The following DSCAM variants were observed in gnomAD, a reference collection of about 807,000 sequenced individuals.
The protein encoded by DSCAM is cell adhesion molecule DSCAM.
A neutral mutation model predicts 217.7 loss-of-function variants in DSCAM; 47 were observed. The observed-to-expected ratio is 0.22, with a 90% CI of 0.17 to 0.28. The LOEUF (loss-of-function observed/expected upper bound fraction) is 0.28. Ranked by LOEUF, DSCAM falls within the 10% of genes least tolerant of loss-of-function variation. The pLI, the probability that DSCAM is intolerant of heterozygous loss-of-function variation, is 1.00. For synonymous variants in DSCAM, 1,056 were observed against 1,015.3 expected (o/e 1.04, Z -0.76); for missense variants, 2,080 against 2,618.3 (o/e 0.79, Z 4.49).
chr21:40,422,203 C>G (rs2075431129), intron 3 of DSCAM, among the ~76,000 whole-genome samples: 1 of 152,208 alleles, frequency 6.6e-6, no homozygotes, highest in South Asian at 2.1e-4. Flanking sequence ...CACTACCAGT[C>G]AGATGGAACT....
intron 3 of DSCAM, among the ~76,000 whole-genome samples, chr21:40,540,688 T>G (rs897590863): frequency 6.6e-6 from 1 of 152,112 alleles, no homozygotes; most frequent in Non-Finnish European, 1.5e-5. Context: ...GTCCCGCATC[T>G]CCTTTGCTTT....
intron 3 of DSCAM, among the ~76,000 whole-genome samples, chr21:40,552,441 G>A (rs1425338525): frequency 6.6e-6 from 1 of 152,188 alleles, no homozygotes; most frequent in Non-Finnish European, 1.5e-5. Context: ...GATTCAACTG[G>A]AAACTCACGT....
chr21:40,476,409 ATGCATATAT>A (rs969998499), intron 3 of DSCAM, among the ~76,000 whole-genome samples: 1 of 152,210 alleles, frequency 6.6e-6, no homozygotes, highest in African/African-American at 2.4e-5. Flanking sequence ...TAACATTAAT[ATGCATATAT>A]TGCATGCAAA....
At chr21:40,040,892 T>C (rs926178412) in intron 32 of DSCAM, among the ~76,000 whole-genome samples, 2 of 151,774 alleles carry the variant, frequency 1.3e-5, no homozygotes, top group Non-Finnish European at 2.9e-5. Flanking sequence ...CCTGCATTTT[T>C]CTCCATTTGC....
chr21:40,671,569 G>A (rs1002801405), intron 3 of DSCAM, among the ~76,000 whole-genome samples: 1 of 151,704 alleles, frequency 6.6e-6, no homozygotes. Flanking sequence ...TGTGCCTGTA[G>A]TCCCAGCTAC....
In DSCAM at chr21:40,703,389, T is replaced by C. The variant is rs1280119206; in HGVS notation, c.361+5065A>G. Among the ~76,000 whole-genome samples the C allele has an allele frequency of 1.1e-4, 16 of 152,210 alleles. No homozygotes were observed. In the East Asian group the frequency reaches 2.9e-3, roughly 28 times the overall value. On this transcript the variant is annotated intron_variant, in intron 2 of 32. Transcript: ENST00000400454. Reference sequence around the variant, plus strand: ...TAAAAATCAGCCTGATGTGGCGGCATGCACCTCTGGTCCCAGCTACTTGGG... The same window carrying C: ...TAAAAATCAGCCTGATGTGGCGGCACGCACCTCTGGTCCCAGCTACTTGGG...
At chr21:40,773,453 A>G (rs966719160) in intron 1 of DSCAM, among the ~76,000 whole-genome samples, 2 of 152,148 alleles carry the variant, frequency 1.3e-5, no homozygotes, top group African/African-American at 4.8e-5. Context: ...CTCTCTTAGA[A>G]GGACACCAGT....
chr21:40,301,962 T>C (rs764994221), intron 9 of DSCAM, among the ~76,000 whole-genome samples: 3 of 152,184 alleles, frequency 2.0e-5, no homozygotes, highest in Non-Finnish European at 4.4e-5. Flanking sequence ...GAGCCTGAGA[T>C]GGAAGGATGT....
chr21:40,472,920 T>C (rs778435784), intron 3 of DSCAM, among the ~76,000 whole-genome samples: 5 of 152,234 alleles, frequency 3.3e-5, no homozygotes, highest in Middle Eastern at 3.4e-3. Context: ...ATGCTGATGG[T>C]GCAAACACAG....
At chr21:40,062,763 C>T (rs985722692) in intron 28 of DSCAM, 106 bp downstream of exon 28, 11 of 1,040,082 alleles carry the variant, frequency 1.1e-5, no homozygotes, top group Admixed American at 6.4e-5. Context: ...AAAGAAAAGA[C>T]ATTATCAATT....
chr21:40,017,103 CAAAAA>C (rs372118440), intron 32 of DSCAM, among the ~76,000 whole-genome samples: 20,807 of 86,188 alleles, frequency 0.24, 1,999 homozygotes, highest in African/African-American at 0.36. Flanking sequence ...AACTCCATCT[CAAAAA>C]AAAAAAAAAA....
At chr21:40,053,338 C>T (rs2088963446) in intron 29 of DSCAM, among the ~76,000 whole-genome samples, 2 of 152,202 alleles carry the variant, frequency 1.3e-5, no homozygotes, top group South Asian at 2.1e-4. Flanking sequence ...GGCCCCGTGG[C>T]GGTCACTCGA....
chr21:40,761,817 C>T lies in DSCAM; in HGVS notation c.44-53046G>A, dbSNP rs116836515. On this transcript the variant is annotated intron_variant, in intron 1 of 32. Transcript: ENST00000400454. ...CTCTAAACATGTAGAGCATCAAAACCGCACAACTACATGCAAACTGAACAA... is the reference window on the plus strand; with the variant it reads ...CTCTAAACATGTAGAGCATCAAAACTGCACAACTACATGCAAACTGAACAA... 6.3e-3 allele frequency among the ~76,000 whole-genome samples: 956 copies of T among 152,232 alleles called. 8 individuals carry two copies. The highest frequency in any genetic ancestry group is 0.022 in the African/African-American group (904 of 41,538).
chr21:40,438,737 TG>T (rs1394232705), intron 3 of DSCAM, among the ~76,000 whole-genome samples: 2 of 152,140 alleles, frequency 1.3e-5, no homozygotes, highest in African/African-American at 4.8e-5. Context: ...AAAATGAGGG[TG>T]TCTTCTGGCA....
chr21:40,376,577 ATC>A, intron 3 of DSCAM, among the ~76,000 whole-genome samples: 1 of 81,428 alleles, frequency 1.2e-5, no homozygotes, highest in Middle Eastern at 6.4e-3. Context: ...TTATATCGAT[ATC>A]TATATATCTT....
rs550781587 is a variant in DSCAM, at chr21:40,151,538, T to A, written c.3019-6807A>T. On this transcript the variant is annotated intron_variant, in intron 16 of 32. Coordinates refer to ENST00000400454, the MANE Select transcript of DSCAM (RefSeq NM_001389.5). ...ACACTGTGGATGTTCTCAGAAGATA[T>A]TCTTGCAGATGGAGAAGAGAATGGT... is the stretch of plus-strand genomic sequence containing the variant. 2.6e-5 allele frequency among the ~76,000 whole-genome samples: 4 copies of A among 152,338 alleles called. No individual in the cohort carries two copies. In the South Asian group the frequency reaches 8.3e-4, roughly 32 times the overall value.
chr21:40,538,855 C>A (rs906067299), intron 3 of DSCAM, among the ~76,000 whole-genome samples: 7 of 152,118 alleles, frequency 4.6e-5, no homozygotes, highest in African/African-American at 1.7e-4. Context: ...TATTCGGGGT[C>A]TCAGACACAA....
chr21:40,597,660 C>A (rs911721578), intron 3 of DSCAM, among the ~76,000 whole-genome samples: 2 of 151,876 alleles, frequency 1.3e-5, no homozygotes, highest in African/African-American at 4.8e-5. Context: ...GTGCCCACCA[C>A]CACGCCCAGC....
chr21:40,223,122 C>T (rs1306102238), intron 11 of DSCAM, among the ~76,000 whole-genome samples: 1 of 152,200 alleles, frequency 6.6e-6, no homozygotes, highest in Non-Finnish European at 1.5e-5. Flanking sequence ...ACCTGCCCAG[C>T]AGCCTGCCCT....
Sources: allele counts gnomAD v4.1 joint callset (sites outside exome capture counted in the v4.1 genomes callset), GRCh38; gene constraint gnomAD v4.1.1; transcripts MANE v1.5; gene names NCBI Gene and HGNC (gene_info 2026-07-23, HGNC 2026-07-21).